The following SEMA6D variants were observed in gnomAD, a reference collection of about 807,000 sequenced individuals.
SEMA6D encodes the protein semaphorin 6D.
SEMA6D carries 35 observed loss-of-function variants against 106.6 expected under a neutral mutation model. The observed-to-expected ratio is 0.33, with a 90% CI of 0.25 to 0.44. The LOEUF (loss-of-function observed/expected upper bound fraction) is 0.44. SEMA6D is among the 20% of genes least tolerant of loss of function. The probability of loss-of-function intolerance (pLI) is 1.00; values close to 1 mark genes in which losing one functional copy is unlikely to be tolerated. For synonymous variants in SEMA6D, 499 were observed against 487.7 expected (o/e 1.02, Z -0.31); for missense variants, 1,185 against 1,345.9 (o/e 0.88, Z 1.87).
intron 1 of SEMA6D, among the ~76,000 whole-genome samples, chr15:47,288,315 C>T (rs1195920594): frequency 6.6e-6 from 1 of 152,184 alleles, no homozygotes; most frequent in Non-Finnish European, 1.5e-5. Flanking sequence ...ACATTTCTCT[C>T]ACATTCCAGT....
chr15:47,511,633 A>G (rs1321644087), intron 3 of SEMA6D, among the ~76,000 whole-genome samples: 1 of 152,206 alleles, frequency 6.6e-6, no homozygotes, highest in Non-Finnish European at 1.5e-5. Flanking sequence ...TGACTCATTA[A>G]GACAATAATG....
At chr15:47,620,551 GC>G (rs2077079768) in intron 4 of SEMA6D, among the ~76,000 whole-genome samples, 1 of 152,048 alleles carries the variant, frequency 6.6e-6, no homozygotes, top group Non-Finnish European at 1.5e-5. Flanking sequence ...TTTTTAAAAA[GC>G]AAATCAGCCA....
chr15:47,368,406 C>T (rs2039140571), intron 1 of SEMA6D, among the ~76,000 whole-genome samples: 1 of 152,202 alleles, frequency 6.6e-6, no homozygotes, highest in African/African-American at 2.4e-5. Flanking sequence ...CCACACAATC[C>T]AGGCCACTCT....
intron 4 of SEMA6D, among the ~76,000 whole-genome samples, chr15:47,654,845 A>G (rs1325615676): frequency 1.3e-5 from 2 of 152,232 alleles, no homozygotes; most frequent in African/African-American, 2.4e-5. Flanking sequence ...CATGCTTCCC[A>G]TAAAACCTGC....
intron 4 of SEMA6D, among the ~76,000 whole-genome samples, chr15:47,670,984 T>G (rs1041160130): frequency 5.9e-5 from 9 of 152,230 alleles, no homozygotes; most frequent in African/African-American, 2.2e-4. Context: ...GCTTTGGATT[T>G]AGATATTTTC....
chr15:47,704,141 ATCTT>A (rs1428715907), intron 4 of SEMA6D, among the ~76,000 whole-genome samples: 2 of 152,040 alleles, frequency 1.3e-5, no homozygotes, highest in Admixed American at 6.6e-5. Context: ...TATAGTGGAT[ATCTT>A]TCTTTCTTTT....
intron 3 of SEMA6D, among the ~76,000 whole-genome samples, chr15:47,503,740 A>T (rs1354249446): frequency 6.6e-6 from 1 of 151,462 alleles, no homozygotes; most frequent in Non-Finnish European, 1.5e-5. Context: ...CCTGTATGTG[A>T]CAGCTCAAGG....
At chr15:47,390,799 T>C (rs1434774832) in intron 1 of SEMA6D, among the ~76,000 whole-genome samples, 1 of 152,188 alleles carries the variant, frequency 6.6e-6, no homozygotes, top group African/African-American at 2.4e-5. Context: ...TTTGTTATAT[T>C]TTTTTACTAG....
In SEMA6D at chr15:47,764,971, G is replaced by T. The variant is rs768608827; in HGVS notation, c.1342G>T (p.Val448Leu). ...VIFVGSEAGM[V>L]LKVLAKTSPF... The stretch of plus-strand genomic sequence containing the variant: ...CTTTGTTGGCTCTGAAGCTGGCATG[G>T]TACTTAAAGTTCTGGCAAAGACCAG... Residue 448 changes from valine (V) to leucine (L), a missense_variant, in exon 13 of 19, where the codon GTA (valine) becomes TTA (leucine). Val to Leu is a conservative substitution (Grantham distance 32). Coordinates refer to ENST00000536845, the MANE Select transcript of SEMA6D (RefSeq NM_001358351.3). 1.9e-6 allele frequency: 3 copies of T among 1,613,920 alleles called. No individual in the cohort carries two copies. The highest frequency in any genetic ancestry group is 2.2e-5 in the East Asian group (1 of 44,838).
At chr15:47,755,106 C>T (rs2081641572) in intron 1 of SEMA6D, among the ~76,000 whole-genome samples, 1 of 152,020 alleles carries the variant, frequency 6.6e-6, no homozygotes, top group African/African-American at 2.4e-5. Flanking sequence ...TGTGCACCAC[C>T]ATGCCTGGCT....
At chr15:47,262,849 CACAT>C (rs2034141838) in intron 1 of SEMA6D, among the ~76,000 whole-genome samples, 1 of 151,934 alleles carries the variant, frequency 6.6e-6, no homozygotes, top group South Asian at 2.1e-4. Flanking sequence ...CAAAAACAGA[CACAT>C]AGACAAATGG....
intron 1 of SEMA6D, among the ~76,000 whole-genome samples, chr15:47,257,998 T>C (rs1411583757): frequency 6.6e-6 from 1 of 152,234 alleles, no homozygotes; most frequent in Non-Finnish European, 1.5e-5. Context: ...TCATTATACT[T>C]ATCTCTAATA....
intron 3 of SEMA6D, among the ~76,000 whole-genome samples, chr15:47,566,040 C>T (rs989157179): frequency 2.0e-5 from 3 of 152,204 alleles, no homozygotes; most frequent in African/African-American, 7.2e-5. Flanking sequence ...TAGGCCTTCA[C>T]AGTTACTTTC....
intron 4 of SEMA6D, among the ~76,000 whole-genome samples, chr15:47,624,036 C>G (rs1342382919): frequency 6.6e-6 from 1 of 152,182 alleles, no homozygotes. Context: ...TCTCCAATCT[C>G]CTGTCCCACC....
intron 1 of SEMA6D, chr15:47,718,851 G>C (rs113099560): frequency 6.6e-6 from 1 of 152,274 alleles, no homozygotes; most frequent in Non-Finnish European, 1.5e-5. Context: ...GCAGCCGCTG[G>C]CAGGGGCATG....
At chr15:47,392,170 C>T (rs1357376543) in intron 1 of SEMA6D, among the ~76,000 whole-genome samples, 2 of 152,204 alleles carry the variant, frequency 1.3e-5, no homozygotes, top group Non-Finnish European at 2.9e-5. Flanking sequence ...ATCTGAATGA[C>T]AGTTTTCTCA....
At chr15:47,392,053 CT>C (rs2040054432) in intron 1 of SEMA6D, among the ~76,000 whole-genome samples, 2 of 152,110 alleles carry the variant, frequency 1.3e-5, no homozygotes, top group Non-Finnish European at 2.9e-5. Context: ...ACTACTGTCC[CT>C]GAAGAATCTC....
intron 4 of SEMA6D, among the ~76,000 whole-genome samples, chr15:47,701,945 G>T (rs1239363346): frequency 6.6e-6 from 1 of 152,136 alleles, no homozygotes; most frequent in East Asian, 1.9e-4. Flanking sequence ...TTAGTTTGCT[G>T]GTTCTATAGT....
chr15:47,751,099 TGAAAGAAGGC>T (rs1376745613), intron 1 of SEMA6D, among the ~76,000 whole-genome samples: 1 of 152,094 alleles, frequency 6.6e-6, no homozygotes, highest in Admixed American at 6.5e-5. Flanking sequence ...ACATGGAAGG[TGAAAGAAGGC>T]CTGCAATTCA....
Sources: gnomAD v4.1 joint callset for allele counts (sites outside exome capture counted in the v4.1 genomes callset) on GRCh38, gnomAD v4.1.1 for gene constraint, MANE v1.5 for transcripts, NCBI Gene and HGNC (gene_info 2026-07-23, HGNC 2026-07-21) for gene names.